KATNAL2: variants seen among roughly 807,000 people sequenced by gnomAD.
KATNAL2 encodes the protein katanin p60 ATPase-containing subunit A-like 2.
KATNAL2 carries 52 observed loss-of-function variants against 76.3 expected under a neutral mutation model. That is an observed-to-expected ratio of 0.68 (90% CI 0.55 to 0.86). The LOEUF is 0.86. KATNAL2 is among the 40% of genes least tolerant of loss of function. The pLI is 0.00. For missense variants in KATNAL2, 660 were observed against 668.9 expected (o/e 0.99, Z 0.15); for synonymous variants, 243 against 244.2 (o/e 1.00, Z 0.05).
At chr18:46,957,856 C>T (rs1026939875) in intron 3 of KATNAL2, among the ~76,000 whole-genome samples, 4 of 152,070 alleles carry the variant, frequency 2.6e-5, no homozygotes, top group African/African-American at 9.7e-5. Context: ...GCCACCGCGC[C>T]CAGCCTAATT....
intron 8 of KATNAL2, 104 bp from the exon 9 acceptor site, chr18:47,062,868 A>G (rs141063019): frequency 1.0e-5 from 8 of 770,574 alleles, no homozygotes; most frequent in African/African-American, 1.7e-5. Flanking sequence ...AGTTTGCCCT[A>G]TATACCAGGG....
chr18:47,075,955 T>C (rs569354226), intron 14 of KATNAL2, among the ~76,000 whole-genome samples: 52 of 152,368 alleles, frequency 3.4e-4, no homozygotes, highest in East Asian at 1.5e-3. Context: ...ATAAGCCTTC[T>C]GTTTGTGCTT....
chr18:46,948,358 C>T (rs934501799), intron 3 of KATNAL2, among the ~76,000 whole-genome samples: 3 of 151,584 alleles, frequency 2.0e-5, no homozygotes, highest in Non-Finnish European at 2.9e-5. Flanking sequence ...GCAATCTTCC[C>T]CCCTCAGCCT....
At chr18:47,090,400 C>T (rs2062948429) in intron 15 of KATNAL2, among the ~76,000 whole-genome samples, 1 of 152,142 alleles carries the variant, frequency 6.6e-6, no homozygotes, top group Admixed American at 6.5e-5. Flanking sequence ...AGCCACCGCG[C>T]CCAGCCCGAA....
chr18:47,032,679 G>GA lies in KATNAL2; in HGVS notation c.52-13773dup, dbSNP rs1378448948. On this transcript the variant is annotated intron_variant, in intron 3 of 17. Transcript: ENST00000683218. The stretch of plus-strand genomic sequence containing the variant: ...CTTGATTTCGAAAAAAAAAAGAAAG[G>GA]AAAAAGGAAATCTCACATCTTTTTC... 2.5e-5 allele frequency: 10 copies of GA among 404,162 alleles called. No individual in the cohort carries two copies. The Admixed American group carries it at 4.3e-4, about 17-fold the overall frequency. 25.0% of individuals were successfully genotyped at this position (404,162 alleles called of 1,614,324 possible). A position where few individuals can be genotyped will look rare whatever the true frequency, so the allele number is the denominator to read the frequency against.
chr18:47,086,727 C>T (rs1270724796), intron 15 of KATNAL2, among the ~76,000 whole-genome samples: 1 of 152,226 alleles, frequency 6.6e-6, no homozygotes, highest in African/African-American at 2.4e-5. Flanking sequence ...AGCCCATGAT[C>T]TTCCATGTGT....
intron 1 of KATNAL2, among the ~76,000 whole-genome samples, chr18:46,935,307 G>A (rs2059055296): frequency 6.6e-6 from 1 of 152,180 alleles, no homozygotes; most frequent in Non-Finnish European, 1.5e-5. Flanking sequence ...GACTCCCTGA[G>A]TCAGCTAGGA....
At chr18:46,919,110 G>A (rs1035106861) in intron 1 of KATNAL2, among the ~76,000 whole-genome samples, 1 of 150,600 alleles carries the variant, frequency 6.6e-6, no homozygotes, top group South Asian at 2.1e-4. Context: ...CAGCACTTTA[G>A]GAAGCCGAGG....
chr18:47,033,254 C>T (rs781481695), intron 3 of KATNAL2: 2 of 1,613,592 alleles, frequency 1.2e-6, no homozygotes, highest in South Asian at 2.2e-5. Context: ...GGCTTGATCT[C>T]CCCATTTTCG....
chr18:47,033,840 A>T (rs2060617805), intron 3 of KATNAL2: 1 of 1,614,098 alleles, frequency 6.2e-7, no homozygotes, highest in South Asian at 1.1e-5. Context: ...CCGAAAGCGG[A>T]TCGTAGTTGG....
chr18:46,939,611 T>C (rs6507714), intron 1 of KATNAL2, among the ~76,000 whole-genome samples: 94,053 of 151,916 alleles, frequency 0.62, 30,542 homozygotes, highest in African/African-American at 0.82. Flanking sequence ...ATCTGAGATC[T>C]TGCATGCTAG....
At chr18:47,035,178 T>G (rs752689604) in intron 3 of KATNAL2, 3 of 1,612,168 alleles carry the variant, frequency 1.9e-6, no homozygotes, top group Admixed American at 3.3e-5. Flanking sequence ...TCTGCAAATA[T>G]TTCTCTAGCT....
chr18:47,088,548 T>C (rs1014736713), intron 15 of KATNAL2, among the ~76,000 whole-genome samples: 3 of 152,204 alleles, frequency 2.0e-5, no homozygotes, highest in African/African-American at 7.2e-5. Context: ...TGGTTTATTA[T>C]GTGTTTTGTA....
In KATNAL2 at chr18:46,953,259, T is replaced by C. The variant is rs141708646; in HGVS notation, c.51+6336T>C. Among the ~76,000 whole-genome samples, 841 of 152,346 alleles carry C rather than the reference T, an allele frequency of 5.5e-3. 7 individuals are homozygous for C. The highest frequency in any genetic ancestry group is 8.7e-3 in the Non-Finnish European group (589 of 68,022). ...CTCTGTTTCCCCTTATGTTCCTTTT[T>C]GCATTTTTTAATTTGTGGTTTTGTC... is the stretch of plus-strand genomic sequence containing the variant. On this transcript the variant is annotated intron_variant, in intron 3 of 17. Transcript: ENST00000683218.
chr18:47,068,254 G>A (rs2061876540), intron 11 of KATNAL2, among the ~76,000 whole-genome samples: 1 of 152,142 alleles, frequency 6.6e-6, no homozygotes, highest in African/African-American at 2.4e-5. Flanking sequence ...TTAGGATTAT[G>A]AATTTATTTT....
In KATNAL2 at chr18:47,069,345, C is replaced by T. The variant is rs1022024177; in HGVS notation, c.889+62C>T. 2.3e-5 allele frequency: 33 copies of T among 1,452,220 alleles called. No individual in the cohort carries two copies. In the Admixed American group the frequency reaches 2.4e-4, roughly 10 times the overall value. The allele number at this position is 1,452,220 out of a possible 1,614,324, so 90.0% of individuals were successfully genotyped here. On this transcript the variant is annotated intron_variant, in intron 12 of 17. Coordinates refer to ENST00000683218, the MANE Select transcript of KATNAL2 (RefSeq NM_001387690.1). Reference sequence around the variant, plus strand: ...TGTGTGTGCAGAGGATGAGTTGCCCCTTCTGTCCTCACTTCAGGACTGGGG... The same window carrying T: ...TGTGTGTGCAGAGGATGAGTTGCCCTTTCTGTCCTCACTTCAGGACTGGGG...
intron 10 of KATNAL2, among the ~76,000 whole-genome samples, chr18:47,066,812 G>T (rs2061807794): frequency 7.8e-6 from 1 of 127,948 alleles, no homozygotes; most frequent in Non-Finnish European, 1.6e-5. Context: ...CATACCTTTG[G>T]TGAACTAACC....
At chr18:47,048,328 G>A (rs1569078016) in intron 4 of KATNAL2, among the ~76,000 whole-genome samples, 1 of 152,276 alleles carries the variant, frequency 6.6e-6, no homozygotes, top group Non-Finnish European at 1.5e-5. Flanking sequence ...AGTGACCCTC[G>A]TCCTGGAGAG....
At chr18:46,928,102 A>G (rs560685957) in intron 1 of KATNAL2, among the ~76,000 whole-genome samples, 1 of 152,168 alleles carries the variant, frequency 6.6e-6, no homozygotes, top group Non-Finnish European at 1.5e-5. Flanking sequence ...GTCATTCTCC[A>G]TCCAGCTTTG....
Sources: gnomAD v4.1 joint callset for allele counts (sites outside exome capture counted in the v4.1 genomes callset) on GRCh38, gnomAD v4.1.1 for gene constraint, MANE v1.5 for transcripts, NCBI Gene and HGNC (gene_info 2026-07-23, HGNC 2026-07-21) for gene names.